BAIAP2L1: variants seen among roughly 807,000 people sequenced by gnomAD.
BAIAP2L1 encodes the protein BAR/IMD domain-containing adapter protein 2-like 1.
In BAIAP2L1, 35 loss-of-function variants were observed where a neutral mutation model predicts 66.3. The observed-to-expected ratio is 0.53, with a 90% CI of 0.40 to 0.70. The LOEUF is 0.70. BAIAP2L1 is among the 30% of genes least tolerant of loss of function. BAIAP2L1 has a pLI of 0.00. For missense variants in BAIAP2L1, 622 were observed against 656.9 expected, an observed-to-expected ratio of 0.95 and a Z score of 0.58; for synonymous variants, 269 against 248.7, an observed-to-expected ratio of 1.08 and a Z score of -0.77.
intron 5 of BAIAP2L1, 110 bp from the exon 6 acceptor site, chr7:98,317,466 C>G: frequency 7.3e-7 from 1 of 1,369,448 alleles, no homozygotes; most frequent in East Asian, 2.3e-5. Context: ...CCCTGACACC[C>G]TCACTTCACA....
chr7:98,394,126 C>G (rs1338185571), intron 1 of BAIAP2L1, among the ~76,000 whole-genome samples: 1 of 151,934 alleles, frequency 6.6e-6, no homozygotes, highest in Non-Finnish European at 1.5e-5. Context: ...GCCTGTAGTC[C>G]CAGCTACTCG....
chr7:98,374,109 C>T (rs892639610), intron 1 of BAIAP2L1, among the ~76,000 whole-genome samples: 11 of 151,972 alleles, frequency 7.2e-5, no homozygotes, highest in East Asian at 3.9e-4. Context: ...AAACCATATC[C>T]GACTAATTTT....
chr7:98,397,185 G>T (rs548392179), intron 1 of BAIAP2L1, among the ~76,000 whole-genome samples: 1 of 152,140 alleles, frequency 6.6e-6, no homozygotes, highest in Admixed American at 6.6e-5. Context: ...CAATCTGAGA[G>T]TCTGAGCATA....
intron 2 of BAIAP2L1, among the ~76,000 whole-genome samples, chr7:98,360,186 T>C (rs977778118): frequency 1.3e-5 from 2 of 151,844 alleles, no homozygotes; most frequent in African/African-American, 4.8e-5. Flanking sequence ...GCCTCCCAAA[T>C]TGCTGAGATT....
chr7:98,400,684 T>A, intron 1 of BAIAP2L1, 118 bp downstream of exon 1: 2 of 1,096,662 alleles, frequency 1.8e-6, no homozygotes, highest in Middle Eastern at 2.1e-4. Context: ...CCGGGAGAGG[T>A]GGAAGGACGC....
rs1390173400 is a variant in BAIAP2L1 at position 98,306,470 on chromosome 7, C to T, written c.1210G>A (p.Glu404Lys). ...SSYTKLLEEN[E>K]TEAVTVPTPS... ...GTGGGCACGGTCACTGCTTCTGTCT[C>T]ATTTTCTTCCAGCAACTTCGTGTAC... Residue 404 changes from glutamate to lysine, a missense_variant, in exon 11 of 14, where the codon GAG (glutamate) becomes AAG (lysine). Coordinates refer to ENST00000005260, the MANE Select transcript of BAIAP2L1 (RefSeq NM_018842.5). 1 of 1,614,080 alleles carries T rather than the reference C, an allele frequency of 6.2e-7. No individual in the cohort carries two copies. The highest frequency in any genetic ancestry group is 1.3e-5 in the African/African-American group (1 of 74,922).
chr7:98,348,424 G>A (rs529002803), intron 3 of BAIAP2L1, among the ~76,000 whole-genome samples: 40 of 151,764 alleles, frequency 2.6e-4, no homozygotes, highest in African/African-American at 9.2e-4. Flanking sequence ...AAACTTAGCC[G>A]GGCATGGTGG....
At chr7:98,333,256 T>G (rs1296814762) in intron 3 of BAIAP2L1, among the ~76,000 whole-genome samples, 1 of 152,136 alleles carries the variant, frequency 6.6e-6, no homozygotes, top group Non-Finnish European at 1.5e-5. Context: ...CATTGATTTA[T>G]CCCCAGCAAC....
At chr7:98,393,138 T>C (rs1415279448) in intron 1 of BAIAP2L1, among the ~76,000 whole-genome samples, 9 of 54,176 alleles carry the variant, frequency 1.7e-4, no homozygotes, top group Admixed American at 4.3e-4. Context: ...TATACACACA[T>C]ATGTGTACAT....
At chr7:98,363,246 GCTGGTCTCGAACTCCTGA>G (rs994838991) in intron 1 of BAIAP2L1, among the ~76,000 whole-genome samples, 13 of 151,868 alleles carry the variant, frequency 8.6e-5, no homozygotes, top group African/African-American at 2.9e-4. Flanking sequence ...TGTTGGCCAG[GCTGGTCTCGAACTCCTGA>G]CCTCAGGTTA....
At chr7:98,336,281 C>T (rs1425244115) in intron 3 of BAIAP2L1, among the ~76,000 whole-genome samples, 1 of 152,116 alleles carries the variant, frequency 6.6e-6, no homozygotes, top group Non-Finnish European at 1.5e-5. Flanking sequence ...CACACATGCA[C>T]CCCCCGAGTC....
At chr7:98,390,537 G>C (rs1803011852) in intron 1 of BAIAP2L1, among the ~76,000 whole-genome samples, 1 of 151,724 alleles carries the variant, frequency 6.6e-6, no homozygotes, top group Admixed American at 6.6e-5. Flanking sequence ...GACCATCTTG[G>C]CTAACACGGT....
At chr7:98,364,663 T>C (rs760311839) in intron 1 of BAIAP2L1, among the ~76,000 whole-genome samples, 1 of 151,850 alleles carries the variant, frequency 6.6e-6, no homozygotes, top group African/African-American at 2.4e-5. Context: ...CAGAGTAGAT[T>C]GAAACTATTT....
chr7:98,349,348 C>T lies in BAIAP2L1; in HGVS notation c.214+5694G>A, dbSNP rs3801260. On this transcript the variant is annotated intron_variant, in intron 3 of 13. Coordinates refer to ENST00000005260, the MANE Select transcript of BAIAP2L1 (RefSeq NM_018842.5). ...CGTGTTTCTGTATGGAAGCACGTGG[C>T]GCAAGGGCAGGGAAATACTTCTAAG... Among the ~76,000 whole-genome samples the T allele has an allele frequency of 2.3e-3, 350 of 152,262 alleles. 7 individuals are homozygous for T. In the East Asian group the frequency reaches 0.047, roughly 21 times the overall value.
chr7:98,378,891 C>T (rs551301747), intron 1 of BAIAP2L1, among the ~76,000 whole-genome samples: 20 of 152,078 alleles, frequency 1.3e-4, no homozygotes, highest in African/African-American at 4.3e-4. Flanking sequence ...TGTACAGTGG[C>T]GTGATCTCGG....
At chr7:98,350,695 G>A (rs1185276542) in intron 3 of BAIAP2L1, among the ~76,000 whole-genome samples, 3 of 151,934 alleles carry the variant, frequency 2.0e-5, no homozygotes, top group South Asian at 2.1e-4. Context: ...AAAACCAGCA[G>A]AAAAAACCTA....
intron 1 of BAIAP2L1, among the ~76,000 whole-genome samples, chr7:98,372,133 G>A (rs1425264167): frequency 3.3e-5 from 5 of 151,974 alleles, no homozygotes; most frequent in African/African-American, 7.2e-5. Flanking sequence ...TAGGCCGGGT[G>A]TGTTGGCTCA....
chr7:98,312,763 T>G (rs202190069), intron 7 of BAIAP2L1, among the ~76,000 whole-genome samples: 4 of 143,474 alleles, frequency 2.8e-5, no homozygotes, highest in Non-Finnish European at 6.2e-5. Flanking sequence ...AGGGACTGGG[T>G]GAGTGGTGGG....
At chr7:98,313,558 C>A (rs965470929) in intron 7 of BAIAP2L1, among the ~76,000 whole-genome samples, 1 of 152,150 alleles carries the variant, frequency 6.6e-6, no homozygotes, top group Non-Finnish European at 1.5e-5. Flanking sequence ...GAAACTAGTA[C>A]AGACATGCTG....
Sources: allele counts gnomAD v4.1 joint callset (sites outside exome capture counted in the v4.1 genomes callset), GRCh38; gene constraint gnomAD v4.1.1; transcripts MANE v1.5; gene names NCBI Gene and HGNC (gene_info 2026-07-23, HGNC 2026-07-21).